ZNF506: variants seen among roughly 807,000 people sequenced by gnomAD.
The protein encoded by ZNF506 is zinc finger protein 506.
A neutral mutation model predicts 11.6 loss-of-function variants in ZNF506; 10 were observed. The observed-to-expected ratio is 0.86, with a 90% confidence interval of 0.53 to 1.46. The LOEUF (loss-of-function observed/expected upper bound fraction) is 1.46, where lower values mean the gene tolerates loss of function less well. Among genes scored for constraint, ZNF506 ranks in the 40% most tolerant of loss-of-function variants. The pLI is 0.00. For missense variants in ZNF506, 425 were observed against 521.2 expected, an observed-to-expected ratio of 0.82 and a Z score of 1.80; for synonymous variants, 156 against 173.3, an observed-to-expected ratio of 0.90 and a Z score of 0.78.
chr19:19,804,239 G>GA (rs995909869), intron 3 of ZNF506, among the ~76,000 whole-genome samples: 29 of 151,568 alleles, frequency 1.9e-4, no homozygotes, highest in African/African-American at 7.0e-4. Context: ...AAATTTACAA[G>GA]AAAAAAAACA....
intron 1 of ZNF506, among the ~76,000 whole-genome samples, chr19:19,809,417 T>A (rs1395685972): frequency 2.0e-5 from 3 of 152,066 alleles, no homozygotes; most frequent in South Asian, 2.1e-4. Context: ...GGAAGCAGAG[T>A]GGACACAGCT....
intron 3 of ZNF506, among the ~76,000 whole-genome samples, chr19:19,803,670 G>A (rs1568475767): frequency 6.6e-6 from 1 of 152,110 alleles, no homozygotes; most frequent in East Asian, 1.9e-4. Flanking sequence ...TACAAATTCA[G>A]AGGGAATCTC....
At chr19:19,813,126 T>A (rs982484433) in intron 1 of ZNF506, among the ~76,000 whole-genome samples, 3 of 152,172 alleles carry the variant, frequency 2.0e-5, no homozygotes, top group Non-Finnish European at 2.9e-5. Context: ...GGTGGCCACA[T>A]CACCTGTCTT....
intron 1 of ZNF506, among the ~76,000 whole-genome samples, chr19:19,809,514 C>G (rs1329318481): frequency 8.5e-5 from 13 of 152,100 alleles, no homozygotes; most frequent in Admixed American, 8.5e-4. Context: ...ATGAGACTCT[C>G]TGAATAAATT....
intron 1 of ZNF506, among the ~76,000 whole-genome samples, chr19:19,814,539 T>C (rs1259435322): frequency 2.6e-5 from 4 of 151,602 alleles, no homozygotes; most frequent in Non-Finnish European, 5.9e-5. Context: ...TGAGGCCTAG[T>C]TGAGGGTGGA....
intron 3 of ZNF506, chr19:19,797,583 C>G (rs1373249836): frequency 6.7e-6 from 1 of 150,168 alleles, no homozygotes; most frequent in African/African-American, 2.4e-5. Flanking sequence ...GTAAAAAATA[C>G]AAAAACTAAG....
rs2062793326 is a variant in ZNF506 at position 19,801,573 on chromosome 19, C to CTGAGGTCAAGAGTT, written c.226+4444_226+4457dup. 2.0e-5 allele frequency among the ~76,000 whole-genome samples: 3 copies of CTGAGGTCAAGAGTT among 151,888 alleles called. No individual in the cohort carries two copies. In the South Asian group the frequency reaches 6.2e-4, roughly 32 times the overall value. On this transcript the variant is annotated intron_variant, in intron 3 of 3. Transcript: ENST00000540806. ...TGGGAGGCTCAGGAGGGTAGATCAC[C>CTGAGGTCAAGAGTT]TGAGGTCAAGAGTTTGAGATCAGCA...
rs767251268 is a variant in ZNF506 at position 19,795,314 on chromosome 19, A to C, written c.573T>G (p.Tyr191Ter). The change falls in exon 4 of 4, where the codon TAT (tyrosine) becomes TAG (stop). Residue 191 changes from tyrosine to a stop codon, truncating the protein, a stop_gained. Coordinates refer to ENST00000540806, the MANE Select transcript of ZNF506 (RefSeq NM_001099269.3). LOFTEE classifies it low-confidence loss of function (END_TRUNC). ...GTTTCTCTCCAGCATCAATTTTCTT[A>C]TATGTAGTACGGGTTGAAGACTGGT... Reference protein sequence around the residue: ...TFNQSSTRTTYKKIDAGEKRY... With the variant: ...TFNQSSTRTT 1.7e-5 allele frequency: 27 copies of C among 1,613,788 alleles called. No individual in the cohort carries two copies. Among genetic ancestry groups the C allele is most frequent in the Non-Finnish European group, 2.2e-5 (26 of 1,179,944 alleles).
intron 1 of ZNF506, among the ~76,000 whole-genome samples, chr19:19,808,860 A>G (rs988638132): frequency 2.0e-5 from 3 of 151,622 alleles, no homozygotes; most frequent in Non-Finnish European, 4.4e-5. Context: ...AAAAAAAAAA[A>G]AAAGAAACAT....
intron 3 of ZNF506, among the ~76,000 whole-genome samples, chr19:19,803,238 G>A (rs1403403304): frequency 2.6e-5 from 4 of 152,184 alleles, no homozygotes; most frequent in Admixed American, 2.6e-4. Flanking sequence ...TCTGGCAGAG[G>A]TCCTGCCATT....
chr19:19,811,165 CT>C (rs560824045), intron 1 of ZNF506, among the ~76,000 whole-genome samples: 1 of 152,084 alleles, frequency 6.6e-6, no homozygotes, highest in African/African-American at 2.4e-5. Flanking sequence ...TCTAGAGTAA[CT>C]TTTTTTGTTT....
At chr19:19,815,925 A>C (rs2062927116) in intron 1 of ZNF506, among the ~76,000 whole-genome samples, 1 of 152,232 alleles carries the variant, frequency 6.6e-6, no homozygotes, top group African/African-American at 2.4e-5. Context: ...AAATGCACAG[A>C]ACAAAGAAAA....
intron 3 of ZNF506, among the ~76,000 whole-genome samples, chr19:19,800,959 G>A (rs1308603295): frequency 1.3e-5 from 2 of 150,110 alleles, no homozygotes; most frequent in East Asian, 2.0e-4. Context: ...TCAGGAGTTT[G>A]AGACCAGCCT....
At chr19:19,804,634 G>A (rs1366072249) in intron 3 of ZNF506, among the ~76,000 whole-genome samples, 3 of 152,144 alleles carry the variant, frequency 2.0e-5, no homozygotes, top group African/African-American at 4.8e-5. Flanking sequence ...ACATGCACAC[G>A]TATGTTTATT....
intron 1 of ZNF506, among the ~76,000 whole-genome samples, chr19:19,820,060 G>A (rs940751172): frequency 2.0e-5 from 3 of 150,776 alleles, no homozygotes; most frequent in African/African-American, 7.3e-5. Context: ...TCGCCCCACT[G>A]CACTCCAGCA....
intron 1 of ZNF506, among the ~76,000 whole-genome samples, chr19:19,815,809 T>G (rs1180537385): frequency 6.6e-6 from 1 of 152,194 alleles, no homozygotes; most frequent in South Asian, 2.1e-4. Flanking sequence ...ATAACCTCTC[T>G]GAAGTTCAAT....
intron 3 of ZNF506, among the ~76,000 whole-genome samples, chr19:19,801,473 CA>C (rs1181029159): frequency 4.2e-5 from 6 of 143,342 alleles, no homozygotes; most frequent in African/African-American, 1.6e-4. Flanking sequence ...CCAACATGGG[CA>C]ACAGAACGAG....
chr19:19,821,396 A>C (rs1027330443), intron 1 of ZNF506, among the ~76,000 whole-genome samples: 2 of 152,146 alleles, frequency 1.3e-5, no homozygotes, highest in African/African-American at 4.8e-5. Context: ...GCGCAGGGAA[A>C]AGACAGGACA....
chr19:19,803,060 A>G (rs2062808035), intron 3 of ZNF506, among the ~76,000 whole-genome samples: 1 of 152,200 alleles, frequency 6.6e-6, no homozygotes, highest in African/African-American at 2.4e-5. Context: ...AATGCTGTTA[A>G]AGCTTAAGAT....
Sources: gnomAD v4.1 joint callset for allele counts (sites outside exome capture counted in the v4.1 genomes callset) on GRCh38, gnomAD v4.1.1 for gene constraint, MANE v1.5 for transcripts, NCBI Gene and HGNC (gene_info 2026-07-23, HGNC 2026-07-21) for gene names.